Variants in DLC1 observed in about 807,000 individuals in gnomAD.
DLC1 encodes the protein DLC1 Rho GTPase activating protein.
In DLC1, 54 loss-of-function variants were observed where a neutral mutation model predicts 140.3. The observed-to-expected ratio is 0.38, with a 90% CI of 0.31 to 0.48. The LOEUF (loss-of-function observed/expected upper bound fraction) is 0.48, where lower values mean the gene tolerates loss of function less well. DLC1 is among the 20% of genes least tolerant of loss of function. DLC1 has a pLI of 0.96. For missense variants in DLC1, 2,536 were observed against 1,907.0 expected, an observed-to-expected ratio of 1.33 and a Z score of -6.14; for synonymous variants, 986 against 728.1, an observed-to-expected ratio of 1.35 and a Z score of -5.70.
rs1820486389 is a variant in DLC1 at position 13,115,619 on chromosome 8, T to A, written c.1387A>T (p.Thr463Ser). The A allele has an allele frequency of 6.2e-7, 1 of 1,613,930 alleles. No homozygotes were observed. Among genetic ancestry groups the A allele is most frequent in the African/African-American group, 1.3e-5 (1 of 74,900 alleles). The change falls in exon 6 of 18, where the codon ACT becomes TCT. Residue 463 changes from threonine (T) to serine (S), a missense_variant. Transcript: ENST00000276297. ...AKEACDWLRA[T>S]GFPQYAQLYE... ...AGCTGTGCATACTGGGGGAAACCAG[T>A]TGCCCGTAGCCAATCACAAGCTTCC...
intron 5 of DLC1, among the ~76,000 whole-genome samples, chr8:13,280,256 C>G (rs1294567969): frequency 7.1e-6 from 1 of 141,486 alleles, no homozygotes; most frequent in East Asian, 2.1e-4. Flanking sequence ...CCACTGCACT[C>G]CAGCCTGGGC....
intron 5 of DLC1, among the ~76,000 whole-genome samples, chr8:13,246,449 T>G (rs993219633): frequency 1.3e-5 from 2 of 152,186 alleles, no homozygotes; most frequent in Non-Finnish European, 2.9e-5. Context: ...TAGAGTGGTT[T>G]TCTTTTTTCT....
chr8:13,378,714 G>A (rs1836109781), intron 4 of DLC1, among the ~76,000 whole-genome samples: 1 of 152,052 alleles, frequency 6.6e-6, no homozygotes, highest in Non-Finnish European at 1.5e-5. Flanking sequence ...TCATCAGCCT[G>A]AAAGATGAAC....
chr8:13,511,428 C>T (rs979292378), intron 1 of DLC1, among the ~76,000 whole-genome samples: 4 of 152,018 alleles, frequency 2.6e-5, no homozygotes, highest in African/African-American at 9.7e-5. Flanking sequence ...GCCTCAAGGT[C>T]CTAGTTTATT....
At chr8:13,178,212 G>T (rs1023545574) in intron 5 of DLC1, among the ~76,000 whole-genome samples, 1 of 151,994 alleles carries the variant, frequency 6.6e-6, no homozygotes, top group Non-Finnish European at 1.5e-5. Flanking sequence ...CCTGACCTGG[G>T]GATGGCCAAA....
At chr8:13,380,649 G>A (rs1586241046) in intron 4 of DLC1, among the ~76,000 whole-genome samples, 1 of 152,150 alleles carries the variant, frequency 6.6e-6, no homozygotes, top group African/African-American at 2.4e-5. Flanking sequence ...CTCTCAGATG[G>A]CAGCAGAGAT....
chr8:13,345,404 T>C (rs1753430979), intron 4 of DLC1, among the ~76,000 whole-genome samples: 2 of 151,848 alleles, frequency 1.3e-5, no homozygotes, highest in South Asian at 2.1e-4. Context: ...AATCAATAGA[T>C]AAAGGTTACC....
chr8:13,601,608 C>G lies in DLC1; in HGVS notation c.-126+2929G>C, dbSNP rs563187833. Among the ~76,000 whole-genome samples the G allele has an allele frequency of 1.4e-3, 216 of 150,474 alleles. 2 individuals carry two copies. The highest frequency in any genetic ancestry group is 5.1e-3 in the African/African-American group (209 of 41,032). On this transcript the variant is annotated intron_variant, in intron 1 of 1. Transcript: ENST00000631382. The stretch of plus-strand genomic sequence containing the variant: ...GGATATGAGATGGTAACTTGGCTAA[C>G]TTGTCAAAGAGTCCAGTAAAGAGCC...
chr8:13,243,180 C>T (rs774886849), intron 5 of DLC1, among the ~76,000 whole-genome samples: 5 of 150,708 alleles, frequency 3.3e-5, no homozygotes, highest in Non-Finnish European at 5.9e-5. Context: ...ATCCCAGCTA[C>T]TCGGGAGACT....
chr8:13,191,528 C>G (rs1563152156), intron 5 of DLC1, among the ~76,000 whole-genome samples: 1 of 152,164 alleles, frequency 6.6e-6, no homozygotes, highest in African/African-American at 2.4e-5. Flanking sequence ...ACGACCAGAA[C>G]AGTAAGGAGG....
intron 2 of DLC1, among the ~76,000 whole-genome samples, chr8:13,491,932 G>A (rs2117167639): frequency 6.6e-6 from 1 of 152,304 alleles, no homozygotes; most frequent in East Asian, 1.9e-4. Flanking sequence ...TCTAAGCACT[G>A]CGGACACAAG....
At chr8:13,117,830 C>G (rs1331338472) in intron 5 of DLC1, among the ~76,000 whole-genome samples, 2 of 152,320 alleles carry the variant, frequency 1.3e-5, no homozygotes, top group African/African-American at 2.4e-5. Context: ...CCAGAGCATG[C>G]TCCTGCTTTA....
At chr8:13,152,402 T>C (rs893116294) in intron 5 of DLC1, among the ~76,000 whole-genome samples, 2 of 152,212 alleles carry the variant, frequency 1.3e-5, no homozygotes, top group East Asian at 3.8e-4. Flanking sequence ...TCAATATGTT[T>C]GAATAATGTC....
Position 13,500,026 on chromosome 8 carries a change from G to A in DLC1, c.46C>T (p.His16Tyr). The A allele has an allele frequency of 6.2e-7, 1 of 1,613,984 alleles. No homozygotes were observed. The highest frequency in any genetic ancestry group is 8.5e-7 in the Non-Finnish European group (1 of 1,179,940). Residue 16 changes from histidine (H) to tyrosine (Y), a missense_variant, in exon 2 of 18, where the codon CAC (histidine) becomes TAC (tyrosine). Physicochemically the swap from His to Tyr is moderately conservative, Grantham distance 83. Transcript: ENST00000276297. ...RKRSWEEHVT[H>Y]WMGQPFNSDD... ...GAATTAAAAGGCTGTCCCATCCAGT[G>A]GGTCACATGTTCTTCCCAGCTTCTC...
intron 2 of DLC1, among the ~76,000 whole-genome samples, chr8:13,462,886 A>G (rs1281923431): frequency 2.0e-5 from 3 of 152,320 alleles, no homozygotes; most frequent in East Asian, 3.9e-4. Context: ...CGCATAGTGT[A>G]TCAGTTGCTA....
intron 5 of DLC1, among the ~76,000 whole-genome samples, chr8:13,194,376 T>A (rs1264482262): frequency 1.3e-5 from 2 of 152,186 alleles, no homozygotes; most frequent in African/African-American, 2.4e-5. Flanking sequence ...CCTTTACACA[T>A]ATTGTTACTG....
In DLC1 at chr8:13,464,746, TTATATATATATATATATATTTATATATA is replaced by T. The variant is rs1185818049; in HGVS notation, c.1023+34275_1023+34302del. Among the ~76,000 whole-genome samples the T allele has an allele frequency of 1.5e-3, 195 of 130,880 alleles. 1 individual carries two copies. Among genetic ancestry groups the T allele is most frequent in the East Asian group, 9.9e-3 (44 of 4,464 alleles). The allele number at this position is 130,880 out of a possible 152,430, so 85.9% of individuals were successfully genotyped here. A position where few individuals can be genotyped will look rare whatever the true frequency, so the allele number is the denominator to read the frequency against. ...TTTTTAAAAAATATAGAATTTTAAA[TTATATATATATATATATATTTATATATA>T]TATATATATATATATATTTATGCTT... is the stretch of plus-strand genomic sequence containing the variant. On this transcript the variant is annotated intron_variant, in intron 2 of 17. Coordinates refer to ENST00000276297, the MANE Select transcript of DLC1 (RefSeq NM_182643.3).
intron 5 of DLC1, among the ~76,000 whole-genome samples, chr8:13,219,885 T>C (rs547953003): frequency 6.6e-6 from 1 of 152,262 alleles, no homozygotes; most frequent in South Asian, 2.1e-4. Context: ...CATGGATGAA[T>C]TGAGACCATT....
rs1825038727 is a variant in DLC1, at chr8:13,165,424, A to C, written c.1349-49767T>G. Among the ~76,000 whole-genome samples, 7 of 152,346 alleles carry C rather than the reference A, an allele frequency of 4.6e-5. No homozygotes were observed. The South Asian group carries it at 1.4e-3, about 32-fold the overall frequency. ...TAGGTAAATGACACGTGGACTGAGC[A>C]GCAATATTGTTGCATTGCTGGAGAC... is the stretch of plus-strand genomic sequence containing the variant. On this transcript the variant is annotated intron_variant, in intron 5 of 17. Transcript: ENST00000276297.
Sources: allele counts gnomAD v4.1 joint callset (sites outside exome capture counted in the v4.1 genomes callset), GRCh38; gene constraint gnomAD v4.1.1; transcripts MANE v1.5; gene names NCBI Gene and HGNC (gene_info 2026-07-23, HGNC 2026-07-21).